The following APBA2 variants were observed in gnomAD, a reference collection of about 807,000 sequenced individuals.
APBA2 encodes the protein amyloid-beta A4 precursor protein-binding family A member 2.
Under a neutral mutation model 75.0 loss-of-function variants are expected in APBA2, and 30 were observed. That is an observed-to-expected ratio of 0.40 (90% CI 0.30 to 0.54). APBA2 has a LOEUF of 0.54. Among genes scored for constraint, APBA2 ranks in the 20% least tolerant of loss-of-function variants. The pLI is 0.49. For missense variants in APBA2, 801 were observed against 1,016.1 expected (o/e 0.79, Z 2.88); for synonymous variants, 444 against 409.6 (o/e 1.08, Z -1.01).
At chr15:28,950,401 G>T (rs2035794553) in intron 2 of APBA2, among the ~76,000 whole-genome samples, 1 of 151,984 alleles carries the variant, frequency 6.6e-6, no homozygotes, top group Non-Finnish European at 1.5e-5. Flanking sequence ...GGCCGAGTGG[G>T]TGGATCATGA....
chr15:29,024,786 C>T (rs1195257188), intron 3 of APBA2, among the ~76,000 whole-genome samples: 1 of 152,140 alleles, frequency 6.6e-6, no homozygotes, highest in Non-Finnish European at 1.5e-5. Flanking sequence ...CTCTGCCTGA[C>T]ATGTTTATTC....
intron 1 of APBA2, among the ~76,000 whole-genome samples, chr15:28,911,630 G>T (rs1329857704): frequency 6.6e-6 from 1 of 152,170 alleles, no homozygotes; most frequent in Admixed American, 6.5e-5. Context: ...TGTTGCTTAA[G>T]CCATTCAGAA....
chr15:29,098,498 G>A lies in APBA2; in HGVS notation c.1260G>A (p.Glu420=). The A allele has an allele frequency of 1.2e-6, 2 of 1,613,908 alleles. No individual in the cohort carries two copies. ...AAKIKKKANS[E]GDAQTLTEVD... is the part of the protein sequence containing the mutation. ...TCCACTGTCCTTCTTAGAATTCTGAGGGGGATGCCCAGACGCTGACGGAAG... is the reference window on the plus strand; with the variant it reads ...TCCACTGTCCTTCTTAGAATTCTGAAGGGGATGCCCAGACGCTGACGGAAG... The change falls in exon 9 of 15, where the codon GAG becomes GAA. Residue 420 remains glutamate, a synonymous_variant. Coordinates refer to ENST00000683413, the MANE Select transcript of APBA2 (RefSeq NM_001353788.2).
chr15:29,068,874 C>T (rs1269684235), intron 4 of APBA2, among the ~76,000 whole-genome samples: 4 of 152,210 alleles, frequency 2.6e-5, no homozygotes, highest in Non-Finnish European at 4.4e-5. Context: ...GTAATACACA[C>T]GTAACATAAA....
rs1322040565 is a variant in APBA2 at position 29,117,208 on chromosome 15, G to A, written c.*75G>A. The A allele has an allele frequency of 4.9e-6, 7 of 1,442,644 alleles. No homozygotes were observed. The highest frequency in any genetic ancestry group is 1.4e-5 in the African/African-American group (1 of 71,334). 89.4% of individuals were successfully genotyped at this position (1,442,644 alleles called of 1,614,324 possible). ...GCCCAGAGGAGCTGGGAGCCGGGCC[G>A]CAGACTTGACCCCGACGCCACAGCC... On this transcript the variant is annotated 3_prime_UTR_variant, in exon 15 of 15. Transcript: ENST00000683413.
chr15:28,932,310 T>C (rs28626321), intron 2 of APBA2, among the ~76,000 whole-genome samples: 53,412 of 152,138 alleles, frequency 0.35, 16,282 homozygotes, highest in African/African-American at 0.81. Flanking sequence ...GCTTCTGTAC[T>C]GTAGTGCAGT....
intron 2 of APBA2, among the ~76,000 whole-genome samples, chr15:28,921,955 C>G (rs1019287273): frequency 6.6e-6 from 1 of 152,178 alleles, no homozygotes; most frequent in African/African-American, 2.4e-5. Context: ...TATTTTGAGG[C>G]GAAAGGGGAA....
At chr15:28,913,279 C>T (rs918357170) in intron 1 of APBA2, among the ~76,000 whole-genome samples, 1 of 152,208 alleles carries the variant, frequency 6.6e-6, no homozygotes, top group African/African-American at 2.4e-5. Context: ...TTTGTCCTCA[C>T]AGTAGCTCGA....
intron 4 of APBA2, among the ~76,000 whole-genome samples, chr15:29,061,261 A>G (rs2042119552): frequency 6.6e-6 from 1 of 152,062 alleles, no homozygotes; most frequent in African/African-American, 2.4e-5. Context: ...CAGGAGATAC[A>G]CTGAAAAGGT....
chr15:28,982,969 G>A (rs1181347557), intron 2 of APBA2, among the ~76,000 whole-genome samples: 1 of 152,228 alleles, frequency 6.6e-6, no homozygotes, highest in Non-Finnish European at 1.5e-5. Context: ...GCTTGCATTT[G>A]GGTTGAGGTC....
At chr15:28,897,637 AG>A (rs1396094111) in intron 1 of APBA2, among the ~76,000 whole-genome samples, 5 of 149,184 alleles carry the variant, frequency 3.4e-5, no homozygotes, top group African/African-American at 9.9e-5. Context: ...AAAAAAAAAA[AG>A]AGAAAAAGAG....
intron 2 of APBA2, among the ~76,000 whole-genome samples, chr15:28,995,142 C>G (rs374300219): frequency 2.6e-5 from 4 of 152,164 alleles, no homozygotes; most frequent in Non-Finnish European, 4.4e-5. Flanking sequence ...TTGAAACCCC[C>G]GAGCCTGCTG....
At chr15:28,931,375 C>G (rs1323176278) in intron 2 of APBA2, among the ~76,000 whole-genome samples, 1 of 152,160 alleles carries the variant, frequency 6.6e-6, no homozygotes, top group Non-Finnish European at 1.5e-5. Flanking sequence ...CAAGGAGGTT[C>G]CAGAGCTAAC....
chr15:29,084,389 C>T (rs1431757886), intron 6 of APBA2, among the ~76,000 whole-genome samples: 6 of 152,116 alleles, frequency 3.9e-5, no homozygotes, highest in Non-Finnish European at 8.8e-5. Context: ...GTCATAAAAA[C>T]TTCAAGCATA....
chr15:29,076,181 G>A, intron 6 of APBA2, 90 bp downstream of exon 6: 1 of 1,396,952 alleles, frequency 7.2e-7, no homozygotes, highest in Non-Finnish European at 1.0e-6. Flanking sequence ...CACCTGCAAA[G>A]CTTGTTTACA....
At chr15:29,096,018 A>C (rs2043833267) in intron 8 of APBA2, among the ~76,000 whole-genome samples, 1 of 152,238 alleles carries the variant, frequency 6.6e-6, no homozygotes, top group Non-Finnish European at 1.5e-5. Context: ...GGGTTGGTAC[A>C]GGCAGACCCA....
At chr15:29,076,126 G>C (rs2042839435) in intron 6 of APBA2, 35 bp downstream of exon 6, 3 of 1,609,928 alleles carry the variant, frequency 1.9e-6, no homozygotes, top group Non-Finnish European at 1.7e-6. Context: ...TCAAGGGGCA[G>C]TTGCATTTTA....
At chr15:28,903,972 T>C (rs577879875) in intron 1 of APBA2, among the ~76,000 whole-genome samples, 72 of 152,340 alleles carry the variant, frequency 4.7e-4, no homozygotes, top group African/African-American at 1.7e-3. Flanking sequence ...AAAATTAGGT[T>C]GAACCATATG....
intron 6 of APBA2, among the ~76,000 whole-genome samples, chr15:29,078,907 C>T (rs1344284011): frequency 1.3e-5 from 2 of 152,212 alleles, no homozygotes; most frequent in Admixed American, 6.5e-5. Context: ...GCATGAGAAT[C>T]GGACCCTCTG....
Sources: allele counts gnomAD v4.1 joint callset (sites outside exome capture counted in the v4.1 genomes callset), GRCh38; gene constraint gnomAD v4.1.1; transcripts MANE v1.5; gene names NCBI Gene and HGNC (gene_info 2026-07-23, HGNC 2026-07-21).